SYNE1: variants seen among roughly 807,000 people sequenced by gnomAD.
SYNE1 encodes spectrin repeat containing nuclear envelope protein 1.
SYNE1 carries 616 observed loss-of-function variants against 1,111.0 expected under a neutral mutation model. The ratio of observed to expected loss-of-function variants is 0.55; its 90% CI spans 0.52 to 0.59. The LOEUF is 0.59. SYNE1 is among the 20% of genes least tolerant of loss of function. SYNE1 has a pLI of 0.00. For synonymous variants in SYNE1, 3,855 were observed against 3,825.8 expected (o/e 1.01, Z -0.28); for missense variants, 10,006 against 10,417.0 (o/e 0.96, Z 1.72).
At chr6:152,531,901 C>G (rs1386565052) in intron 4 of SYNE1, among the ~76,000 whole-genome samples, 1 of 152,202 alleles carries the variant, frequency 6.6e-6, no homozygotes, top group Non-Finnish European at 1.5e-5. Context: ...ATTCATCCAT[C>G]AATGGGCATC....
chr6:152,141,617 G>C (rs895641911), intron 138 of SYNE1, among the ~76,000 whole-genome samples: 2 of 151,938 alleles, frequency 1.3e-5, no homozygotes, highest in Admixed American at 1.3e-4. Flanking sequence ...AATTTAGCTG[G>C]GCATGGTGGC....
intron 127 of SYNE1, among the ~76,000 whole-genome samples, chr6:152,194,122 C>T (rs1169680499): frequency 6.6e-6 from 1 of 151,814 alleles, no homozygotes; most frequent in Non-Finnish European, 1.5e-5. Flanking sequence ...CACATGCTTT[C>T]TTATTGCTCA....
At chr6:152,408,208 G>C (rs940905420) in intron 44 of SYNE1, among the ~76,000 whole-genome samples, 3 of 152,208 alleles carry the variant, frequency 2.0e-5, no homozygotes, top group Non-Finnish European at 4.4e-5. Flanking sequence ...GATTTTGATA[G>C]AAGGAGGGCA....
chr6:152,560,830 A>G (rs961669645), intron 3 of SYNE1, among the ~76,000 whole-genome samples: 13 of 152,220 alleles, frequency 8.5e-5, no homozygotes, highest in African/African-American at 3.1e-4. Flanking sequence ...GATCATCTCA[A>G]TAGATGCATG....
At chr6:152,390,509 A>T (rs966234643) in intron 52 of SYNE1, 57 bp from the exon 53 acceptor site, 14 of 1,566,614 alleles carry the variant, frequency 8.9e-6, no homozygotes, top group South Asian at 1.1e-5. Flanking sequence ...CTTCTATTTT[A>T]AAAAAATGGT....
chr6:152,587,614 T>C (rs1204998940), intron 3 of SYNE1, among the ~76,000 whole-genome samples: 1 of 152,124 alleles, frequency 6.6e-6, no homozygotes, highest in Non-Finnish European at 1.5e-5. Flanking sequence ...GGGAACTAAA[T>C]CTCTTTAGCA....
At chr6:152,210,806 T>C (rs1422885926) in intron 124 of SYNE1, among the ~76,000 whole-genome samples, 1 of 152,072 alleles carries the variant, frequency 6.6e-6, no homozygotes, top group African/African-American at 2.4e-5. Flanking sequence ...TCTCATACCA[T>C]AAATCTGGGG....
At chr6:152,517,903 T>C (rs1376200630) in intron 6 of SYNE1, among the ~76,000 whole-genome samples, 5 of 151,372 alleles carry the variant, frequency 3.3e-5, no homozygotes, top group African/African-American at 1.2e-4. Context: ...GAGAAAGGAG[T>C]TTGACTTCTT....
chr6:152,508,132 T>G (rs924231069), intron 8 of SYNE1, among the ~76,000 whole-genome samples: 7 of 152,194 alleles, frequency 4.6e-5, no homozygotes, highest in African/African-American at 1.7e-4. Flanking sequence ...ATAAGTTGCT[T>G]GAAAAGTACA....
At chr6:152,324,798 CA>C (rs890529073) in intron 81 of SYNE1, among the ~76,000 whole-genome samples, 6 of 151,684 alleles carry the variant, frequency 4.0e-5, no homozygotes, top group Non-Finnish European at 7.4e-5. Context: ...GAGACTCCGT[CA>C]AAAAAAAGAA....
chr6:152,465,308 A>G lies in SYNE1; in HGVS notation c.1882T>C (p.Trp628Arg). 6.2e-7 allele frequency: 1 copy of G among 1,613,816 alleles called. No homozygotes were observed. Among genetic ancestry groups the G allele is most frequent in the Non-Finnish European group, 8.5e-7 (1 of 1,179,800 alleles). The change falls in exon 18 of 146, where the codon TGG becomes CGG. Residue 628 changes from tryptophan to arginine, a missense_variant. Coordinates refer to ENST00000367255, the MANE Select transcript of SYNE1 (RefSeq NM_182961.4). Reference protein sequence around the residue: ...YGNTVASLQAWLEDAEKMLNQ... With the variant: ...YGNTVASLQARLEDAEKMLNQ... ...AGCATTTTTTCAGCATCCTCTAGCC[A>G]GGCTTGCAGACTAGCCACTGTATTG...
chr6:152,396,910 T>C lies in SYNE1; in HGVS notation c.7421A>G (p.Tyr2474Cys), dbSNP rs368618293. Residue 2474 changes from tyrosine (Y) to cysteine (C), a missense_variant, in exon 50 of 146, where the codon TAT (tyrosine) becomes TGT (cysteine). Physicochemically the swap from Tyr to Cys is radical, Grantham distance 194. Coordinates refer to ENST00000367255, the MANE Select transcript of SYNE1 (RefSeq NM_182961.4). ...DAVTQEGQTL[Y>C]AHLSKQIVSS... ...GACAATTTGTTTAGACAAATGTGCA[T>C]ACAAAGTTTGTCCTTCTTGAGTCAC... 4 of 1,614,236 alleles carry C rather than the reference T, an allele frequency of 2.5e-6. No individual in the cohort carries two copies. Among genetic ancestry groups the C allele is most frequent in the East Asian group, 4.5e-5 (2 of 44,884 alleles).
At chr6:152,514,670 A>G (rs1162801188) in intron 6 of SYNE1, among the ~76,000 whole-genome samples, 4 of 152,014 alleles carry the variant, frequency 2.6e-5, no homozygotes, top group Admixed American at 6.6e-5. Context: ...AAAAAAAAAA[A>G]AATGAAGAGA....
intron 131 of SYNE1, among the ~76,000 whole-genome samples, chr6:152,161,311 T>C (rs2152996391): frequency 6.7e-6 from 1 of 148,156 alleles, no homozygotes; most frequent in African/African-American, 2.5e-5. Flanking sequence ...AATTTTCTCC[T>C]CTCTATTTTC....
chr6:152,302,203 GTCC>G (rs766289763), intron 91 of SYNE1, 140 bp from the exon 92 acceptor site: 2 of 1,125,762 alleles, frequency 1.8e-6, no homozygotes, highest in Non-Finnish European at 2.6e-6. Context: ...TAGGCGGCGA[GTCC>G]TCCTGCATCT....
intron 131 of SYNE1, among the ~76,000 whole-genome samples, chr6:152,163,590 T>C (rs932372028): frequency 6.6e-6 from 1 of 152,096 alleles, no homozygotes; most frequent in Non-Finnish European, 1.5e-5. Context: ...TCATCCCTTT[T>C]TGCTTTGTTG....
At chr6:152,149,373 CCAG>C in intron 136 of SYNE1, 101 bp downstream of exon 136, 1 of 1,383,176 alleles carries the variant, frequency 7.2e-7, no homozygotes, top group Admixed American at 1.7e-5. Flanking sequence ...CTCAGGTGCT[CCAG>C]CTCCAGAGTC....
At chr6:152,398,372 G>T (rs953376109) in intron 49 of SYNE1, among the ~76,000 whole-genome samples, 2 of 152,102 alleles carry the variant, frequency 1.3e-5, no homozygotes, top group African/African-American at 4.8e-5. Flanking sequence ...AGTTTAGAAT[G>T]AATTTCAAAG....
intron 128 of SYNE1, among the ~76,000 whole-genome samples, chr6:152,181,499 T>C (rs2068077720): frequency 1.3e-5 from 2 of 152,212 alleles, no homozygotes; most frequent in Non-Finnish European, 2.9e-5. Flanking sequence ...CTCCCAGTTC[T>C]AATCTCCCTT....
Sources: gnomAD v4.1 joint callset for allele counts (sites outside exome capture counted in the v4.1 genomes callset) on GRCh38, gnomAD v4.1.1 for gene constraint, MANE v1.5 for transcripts, NCBI Gene and HGNC (gene_info 2026-07-23, HGNC 2026-07-21) for gene names.